The following APP variants were observed in gnomAD, a reference collection of about 807,000 sequenced individuals.
APP encodes amyloid beta precursor protein, also known as amyloid-beta precursor protein.
A neutral mutation model predicts 101.4 loss-of-function variants in APP; 31 were observed. The ratio of observed to expected loss-of-function variants is 0.31; its 90% CI spans 0.23 to 0.41. The LOEUF is 0.41. Among genes scored for constraint, APP ranks in the 10% least tolerant of loss-of-function variants. APP has a pLI of 1.00. For missense variants in APP, 839 were observed against 1,003.7 expected (o/e 0.84, Z 2.22); for synonymous variants, 366 against 364.4 (o/e 1.00, Z -0.05).
At chr21:26,008,741 C>T (rs1021266508) in intron 6 of APP, among the ~76,000 whole-genome samples, 5 of 152,112 alleles carry the variant, frequency 3.3e-5, no homozygotes, top group African/African-American at 7.2e-5. Flanking sequence ...AAGAGTTTTT[C>T]GGTTTCCTTG....
At chr21:26,084,377 T>G (rs2061661998) in intron 3 of APP, among the ~76,000 whole-genome samples, 1 of 19,156 alleles carries the variant, frequency 5.2e-5, no homozygotes, top group African/African-American at 2.3e-4. Context: ...TAGCTGGGAT[T>G]ACAGGCGCCC....
intron 9 of APP, among the ~76,000 whole-genome samples, chr21:25,976,862 G>A (rs13052264): frequency 0.084 from 12,707 of 152,110 alleles, 642 homozygotes; most frequent in Non-Finnish European, 0.11. Flanking sequence ...ATCATTATGG[G>A]GGGAGTGGGT....
In APP at chr21:26,131,440, CTCAG is replaced by C. The variant is rs1422994583; in HGVS notation, c.58-19298_58-19295del. On this transcript the variant is annotated intron_variant, in intron 1 of 17. Transcript: ENST00000346798. The stretch of plus-strand genomic sequence containing the variant: ...AGACAATTGCGCATAGAGCAATACA[CTCAG>C]TCAGTCACTCATATATTTGTTGGCT... Among the ~76,000 whole-genome samples the C allele has an allele frequency of 1.8e-4, 27 of 152,234 alleles. No individual in the cohort carries two copies. The East Asian group carries it at 3.5e-3, about 20-fold the overall frequency.
At chr21:26,043,673 T>C (rs149807495) in intron 5 of APP, among the ~76,000 whole-genome samples, 15 of 152,382 alleles carry the variant, frequency 9.8e-5, no homozygotes, top group South Asian at 6.2e-4. Context: ...ACCTAACTTA[T>C]AGAAAATTAT....
intron 13 of APP, among the ~76,000 whole-genome samples, chr21:25,924,520 C>A (rs4817073): frequency 1 from 143,634 of 143,634 alleles, 71,817 homozygotes; most frequent in Non-Finnish European, 1. Flanking sequence ...GGACCAGAAA[C>A]CCAAACACTC....
intron 14 of APP, among the ~76,000 whole-genome samples, chr21:25,910,498 G>A (rs566696010): frequency 6.6e-6 from 1 of 152,314 alleles, no homozygotes; most frequent in South Asian, 2.1e-4. Context: ...ATCAGGTAAA[G>A]TGCTGTTGTG....
At chr21:26,031,746 T>C (rs915793055) in intron 5 of APP, among the ~76,000 whole-genome samples, 5 of 152,058 alleles carry the variant, frequency 3.3e-5, no homozygotes, top group Admixed American at 1.3e-4. Flanking sequence ...GGAGATATAA[T>C]TGAAGTTGAT....
intron 1 of APP, among the ~76,000 whole-genome samples, chr21:26,165,315 T>C (rs539812737): frequency 4.6e-5 from 7 of 152,334 alleles, no homozygotes; most frequent in Admixed American, 3.9e-4. Flanking sequence ...AGGTTACATA[T>C]ATATTAACTC....
chr21:25,897,775 TGAAGTTA>T, intron 15 of APP, 102 bp from the exon 16 acceptor site: 1 of 943,264 alleles, frequency 1.1e-6, no homozygotes, highest in Non-Finnish European at 1.7e-6. Context: ...TTTCTAGGCC[TGAAGTTA>T]GAAGAAAATT....
At chr21:25,900,613 T>C (rs2146278252) in intron 15 of APP, among the ~76,000 whole-genome samples, 1 of 152,142 alleles carries the variant, frequency 6.6e-6, no homozygotes, top group East Asian at 1.9e-4. Flanking sequence ...TAGAACTATA[T>C]TTCTGAGATT....
chr21:26,129,844 T>A (rs577942611), intron 1 of APP, among the ~76,000 whole-genome samples: 1 of 152,222 alleles, frequency 6.6e-6, no homozygotes, highest in African/African-American at 2.4e-5. Context: ...TTTTCCCATT[T>A]TCACACAAGT....
At chr21:26,043,899 G>A (rs1268097285) in intron 5 of APP, among the ~76,000 whole-genome samples, 1 of 152,110 alleles carries the variant, frequency 6.6e-6, no homozygotes, top group Non-Finnish European at 1.5e-5. Context: ...ATTCTAGCTT[G>A]TACTTAACCA....
intron 5 of APP, among the ~76,000 whole-genome samples, chr21:26,044,831 G>A (rs936796259): frequency 6.6e-6 from 1 of 152,162 alleles, no homozygotes; most frequent in South Asian, 2.1e-4. Flanking sequence ...GAGCTACTGC[G>A]CCCGGCTGAG....
intron 6 of APP, among the ~76,000 whole-genome samples, chr21:26,009,090 C>T (rs960272943): frequency 2.0e-5 from 3 of 152,146 alleles, no homozygotes; most frequent in African/African-American, 7.2e-5. Flanking sequence ...GCATGATCAA[C>T]CTTATCTTTT....
chr21:25,927,337 T>C (rs1315836712), intron 13 of APP, among the ~76,000 whole-genome samples: 1 of 342 alleles, frequency 2.9e-3, no homozygotes, highest in Non-Finnish European at 5.2e-3. Flanking sequence ...GCTACGTGAA[T>C]GGCCAGAAGT....
At chr21:26,046,032 A>C (rs2045594645) in intron 5 of APP, among the ~76,000 whole-genome samples, 1 of 152,088 alleles carries the variant, frequency 6.6e-6, no homozygotes, top group African/African-American at 2.4e-5. Context: ...CCTCTTTTTA[A>C]AACCATCAGA....
intron 7 of APP, among the ~76,000 whole-genome samples, chr21:25,999,248 C>G (rs143625119): frequency 1.3e-5 from 2 of 152,142 alleles, no homozygotes; most frequent in South Asian, 4.2e-4. Flanking sequence ...GCCAAGATCA[C>G]GCCATTGCAC....
chr21:25,960,510 C>T (rs1425069671), intron 11 of APP, among the ~76,000 whole-genome samples: 2 of 152,068 alleles, frequency 1.3e-5, no homozygotes, highest in African/African-American at 4.8e-5. Context: ...TGTATAAGGG[C>T]GCTGGCTTTT....
At position 25,881,622 on chromosome 21, in the gene APP, G is replaced by A. The variant is rs750491084; in HGVS notation, c.*48C>T. The A allele has an allele frequency of 1.3e-6, 2 of 1,565,446 alleles. No individual in the cohort carries two copies. The highest frequency in any genetic ancestry group is 2.2e-5 in the South Asian group (2 of 90,084). On this transcript the variant is annotated 3_prime_UTR_variant, in exon 18 of 18. Transcript: ENST00000346798. ...CTATAAATGGACACCGATGGGTAGT[G>A]AAGCAATGGTTTTGCTGTCCAACTT...
Sources: allele counts gnomAD v4.1 joint callset (sites outside exome capture counted in the v4.1 genomes callset), GRCh38; gene constraint gnomAD v4.1.1; transcripts MANE v1.5; gene names NCBI Gene and HGNC (gene_info 2026-07-23, HGNC 2026-07-21).